MAPK14: variants seen among roughly 807,000 people sequenced by gnomAD.
The protein encoded by MAPK14 is CSAID-binding protein.
In MAPK14, 16 loss-of-function variants were observed where a neutral mutation model predicts 49.6. That is an observed-to-expected ratio of 0.32 (90% CI 0.22 to 0.49). MAPK14 has a LOEUF of 0.49. Among genes scored for constraint, MAPK14 ranks in the 20% least tolerant of loss-of-function variants. The pLI is 0.99. For missense variants in MAPK14, 200 were observed against 441.2 expected (o/e 0.45, Z 4.90); for synonymous variants, 142 against 158.0 (o/e 0.90, Z 0.76).
chr6:36,075,500 T>G (rs1764495373), intron 6 of MAPK14, among the ~76,000 whole-genome samples: 1 of 152,186 alleles, frequency 6.6e-6, no homozygotes, highest in Non-Finnish European at 1.5e-5. Context: ...CATAACAGAA[T>G]TTTTAAATCT....
chr6:36,070,626 C>T (rs756132701), intron 3 of MAPK14, among the ~76,000 whole-genome samples: 1 of 152,030 alleles, frequency 6.6e-6, no homozygotes, highest in South Asian at 2.1e-4. Flanking sequence ...TCCTCAAGGC[C>T]GTATAAACAT....
intron 8 of MAPK14, among the ~76,000 whole-genome samples, chr6:36,091,214 T>C (rs370456217): frequency 6.6e-6 from 1 of 152,158 alleles, no homozygotes; most frequent in South Asian, 2.1e-4. Context: ...TCTTTTACTT[T>C]CCCTAGAAAT....
chr6:36,052,978 C>T, intron 2 of MAPK14, 150 bp downstream of exon 2: 1 of 476,072 alleles, frequency 2.1e-6, no homozygotes, highest in East Asian at 3.5e-5. Context: ...TTGGTTATGT[C>T]AGGTCAAAGA....
intron 2 of MAPK14, among the ~76,000 whole-genome samples, chr6:36,053,969 A>C (rs1367368948): frequency 6.6e-6 from 1 of 152,054 alleles, no homozygotes; most frequent in African/African-American, 2.4e-5. Context: ...ATTCCTGAGT[A>C]TAATTTTACT....
intron 3 of MAPK14, among the ~76,000 whole-genome samples, chr6:36,071,353 G>A (rs142635449): frequency 1.7e-3 from 255 of 151,890 alleles, no homozygotes; most frequent in African/African-American, 5.6e-3. Flanking sequence ...AAAAAAATCA[G>A]CCTTTTTAGA....
intron 1 of MAPK14, among the ~76,000 whole-genome samples, chr6:36,037,261 A>C (rs1762788971): frequency 6.6e-6 from 1 of 152,144 alleles, no homozygotes; most frequent in Non-Finnish European, 1.5e-5. Flanking sequence ...GTATGTGTTA[A>C]GGATTTACAA....
downstream of MAPK14, among the ~76,000 whole-genome samples, chr6:36,112,750 T>A (rs1459585744): frequency 1.3e-5 from 2 of 152,238 alleles, no homozygotes; most frequent in Admixed American, 6.5e-5. Context: ...GAGCTTTTGC[T>A]TAAGGTTTGA....
At chr6:36,063,769 G>A (rs1310990057) in intron 3 of MAPK14, among the ~76,000 whole-genome samples, 1 of 152,188 alleles carries the variant, frequency 6.6e-6, no homozygotes, top group Admixed American at 6.5e-5. Flanking sequence ...TTTGGAAAAT[G>A]TAGTGTTAAA....
Position 36,108,466 on chromosome 6 carries a change from G to T in MAPK14, c.*19G>T. ...GTCCTGAGCACCTGGTTTCTGTTCT[G>T]TTGATCCCACTTCACTGTGAGGGGA... On this transcript the variant is annotated 3_prime_UTR_variant, in exon 12 of 12. Coordinates refer to ENST00000229794, the MANE Select transcript of MAPK14 (RefSeq NM_139012.3). 3 of 1,602,760 alleles carry T rather than the reference G, an allele frequency of 1.9e-6. No homozygotes were observed. Among genetic ancestry groups the T allele is most frequent in the South Asian group, 2.2e-5 (2 of 90,864 alleles).
chr6:36,047,012 A>G (rs1188854431), intron 1 of MAPK14, among the ~76,000 whole-genome samples: 3 of 152,154 alleles, frequency 2.0e-5, no homozygotes, highest in African/African-American at 4.8e-5. Flanking sequence ...CACAGGGGCA[A>G]TGGCCATTTT....
intron 4 of MAPK14, 73 bp from the exon 5 acceptor site, chr6:36,073,618 A>T (rs1764397102): frequency 8.3e-7 from 1 of 1,208,946 alleles, no homozygotes; most frequent in South Asian, 1.3e-5. Flanking sequence ...ATTCATGAAA[A>T]TGTGCAGCAA....
In MAPK14 at chr6:36,032,460, A is replaced by G. The variant is rs531168069; in HGVS notation, c.116+4187A>G. 2.6e-5 allele frequency among the ~76,000 whole-genome samples: 4 copies of G among 152,304 alleles called. No individual in the cohort carries two copies. The East Asian group carries it at 7.7e-4, about 29-fold the overall frequency. On this transcript the variant is annotated intron_variant, in intron 1 of 11. Coordinates refer to ENST00000229794, the MANE Select transcript of MAPK14 (RefSeq NM_139012.3). ...CATTGATTTTGGGGTTTTGGGACAG[A>G]AGGGGAGAATCTTTGTGGTGAGTTT...
At chr6:36,100,331 C>T (rs1381849916) in intron 9 of MAPK14, 1 of 1,203,936 alleles carries the variant, frequency 8.3e-7, no homozygotes, top group Non-Finnish European at 1.2e-6. Context: ...TTTATTGCCA[C>T]CGTATAACCA....
chr6:36,059,750 T>G (rs1763734812), intron 3 of MAPK14, among the ~76,000 whole-genome samples: 1 of 152,148 alleles, frequency 6.6e-6, no homozygotes, highest in African/African-American at 2.4e-5. Context: ...GCTCCTGGGC[T>G]GTAGTGATCC....
the MAPK14 span, among the ~76,000 whole-genome samples, chr6:36,123,655 G>T: frequency 6.6e-6 from 1 of 152,250 alleles, no homozygotes; most frequent in African/African-American, 2.4e-5. Context: ...CTCAGCAGTG[G>T]CCAGAATACT....
chr6:36,121,653 C>T, the MAPK14 span, among the ~76,000 whole-genome samples: 31 of 152,322 alleles, frequency 2.0e-4, no homozygotes, highest in African/African-American at 7.0e-4. Flanking sequence ...TGTCCTGGAG[C>T]TCTCTGTGAC....
chr6:36,095,915 T>C, intron 8 of MAPK14, 72 bp from the exon 9 acceptor site: 1 of 961,048 alleles, frequency 1.0e-6, no homozygotes, highest in Non-Finnish European at 1.6e-6. Flanking sequence ...TTGTTTGTTT[T>C]TGTTTTGTTT....
chr6:36,036,689 C>A (rs1439305131), intron 1 of MAPK14, among the ~76,000 whole-genome samples: 1 of 152,146 alleles, frequency 6.6e-6, no homozygotes, highest in Non-Finnish European at 1.5e-5. Flanking sequence ...AAGATAATAA[C>A]TTGCTGAAGG....
chr6:36,066,127 C>T (rs1004827779), intron 3 of MAPK14, among the ~76,000 whole-genome samples: 1 of 152,004 alleles, frequency 6.6e-6, no homozygotes. Context: ...TTATTTGACA[C>T]AACAATCCTG....
Sources: allele counts gnomAD v4.1 joint callset (sites outside exome capture counted in the v4.1 genomes callset), GRCh38; gene constraint gnomAD v4.1.1; transcripts MANE v1.5; gene names NCBI Gene and HGNC (gene_info 2026-07-23, HGNC 2026-07-21).